The following PARD3 variants were observed in gnomAD, a reference collection of about 807,000 sequenced individuals.
The protein encoded by PARD3 is partitioning defective 3 homolog.
Under a neutral mutation model 155.4 loss-of-function variants are expected in PARD3, and 75 were observed. The ratio of observed to expected loss-of-function variants is 0.48; its 90% CI spans 0.40 to 0.58. PARD3 has a LOEUF of 0.58. Among genes scored for constraint, PARD3 ranks in the 20% least tolerant of loss-of-function variants. The pLI, the probability that PARD3 is intolerant of heterozygous loss-of-function variation, is 0.00. For synonymous variants in PARD3, 576 were observed against 610.5 expected, an observed-to-expected ratio of 0.94 and a Z score of 0.83; for missense variants, 1,642 against 1,721.7, an observed-to-expected ratio of 0.95 and a Z score of 0.82.
At chr10:34,500,337 AAAGT>A (rs1221763180) in intron 3 of PARD3, among the ~76,000 whole-genome samples, 3 of 152,254 alleles carry the variant, frequency 2.0e-5, no homozygotes, top group Non-Finnish European at 4.4e-5. Flanking sequence ...TCGAAAGAAG[AAAGT>A]AAGTTGTAAA....
At chr10:34,339,819 T>C (rs1836608054) in intron 16 of PARD3, among the ~76,000 whole-genome samples, 1 of 152,190 alleles carries the variant, frequency 6.6e-6, no homozygotes, top group South Asian at 2.1e-4. Context: ...CCTATCAATA[T>C]TCCCACTAAA....
intron 2 of PARD3, among the ~76,000 whole-genome samples, chr10:34,566,757 GT>G (rs1161362344): frequency 6.6e-6 from 1 of 151,840 alleles, no homozygotes; most frequent in Non-Finnish European, 1.5e-5. Context: ...ATTAACCAAA[GT>G]TTTTTTTACA....
intron 12 of PARD3, among the ~76,000 whole-genome samples, chr10:34,363,845 G>A (rs1399586958): frequency 6.6e-6 from 1 of 152,186 alleles, no homozygotes; most frequent in Non-Finnish European, 1.5e-5. Context: ...AAGCCTGTCA[G>A]TTCTTCCTTT....
intron 2 of PARD3, among the ~76,000 whole-genome samples, chr10:34,556,405 CAG>C (rs1352201579): frequency 2.8e-5 from 4 of 144,782 alleles, no homozygotes; most frequent in Non-Finnish European, 6.0e-5. Context: ...TTTTTTGAGA[CAG>C]AGTCTTGCTC....
chr10:34,321,579 G>T (rs1958380867), intron 19 of PARD3, among the ~76,000 whole-genome samples: 1 of 152,162 alleles, frequency 6.6e-6, no homozygotes, highest in African/African-American at 2.4e-5. Flanking sequence ...TATAAAGATA[G>T]GCACTTTCAA....
chr10:34,151,072 G>C (rs998487237), intron 22 of PARD3, among the ~76,000 whole-genome samples: 2 of 152,038 alleles, frequency 1.3e-5, no homozygotes, highest in Admixed American at 1.3e-4. Flanking sequence ...AAGGCCCAGT[G>C]AATAGTATTG....
At chr10:34,624,222 A>G (rs1407787844) in intron 2 of PARD3, among the ~76,000 whole-genome samples, 4 of 152,192 alleles carry the variant, frequency 2.6e-5, no homozygotes. Flanking sequence ...TAAGCAGGAA[A>G]AGGTGTGTAA....
At position 34,154,473 on chromosome 10, in the gene PARD3, A is replaced by G. The variant is rs375164121; in HGVS notation, c.3420-22890T>C. On this transcript the variant is annotated intron_variant, in intron 22 of 24. Coordinates refer to ENST00000374788, the MANE Select transcript of PARD3 (RefSeq NM_001184785.2). The stretch of plus-strand genomic sequence containing the variant: ...TGGAATGAAGCCTGCTTGGATCCTG[A>G]GCAAGGGAGGATACAAACACCTTAT... Among the ~76,000 whole-genome samples the G allele has an allele frequency of 1.1e-4, 16 of 152,270 alleles. No homozygotes were observed. In the East Asian group the frequency reaches 2.1e-3, roughly 20 times the overall value.
At chr10:34,753,136 C>T (rs1836275697) in intron 1 of PARD3, among the ~76,000 whole-genome samples, 2 of 152,258 alleles carry the variant, frequency 1.3e-5, no homozygotes, top group African/African-American at 4.8e-5. Context: ...GATTCTCCAG[C>T]TCCAGCAGGG....
At chr10:34,465,487 T>C (rs960785750) in intron 4 of PARD3, among the ~76,000 whole-genome samples, 1 of 152,144 alleles carries the variant, frequency 6.6e-6, no homozygotes, top group Non-Finnish European at 1.5e-5. Flanking sequence ...ATCGGGGGTA[T>C]TGGAAAGATA....
intron 20 of PARD3, among the ~76,000 whole-genome samples, chr10:34,292,135 C>T (rs1956702682): frequency 6.6e-6 from 1 of 152,158 alleles, no homozygotes; most frequent in African/African-American, 2.4e-5. Context: ...CAGGCAACAG[C>T]AGAAGCACGT....
At chr10:34,208,598 G>A (rs528136755) in intron 22 of PARD3, among the ~76,000 whole-genome samples, 5 of 152,272 alleles carry the variant, frequency 3.3e-5, no homozygotes, top group African/African-American at 9.6e-5. Flanking sequence ...GGTTAAGGAC[G>A]CAGAGAAGAG....
At chr10:34,701,931 G>C (rs2094287578) in intron 1 of PARD3, among the ~76,000 whole-genome samples, 1 of 152,182 alleles carries the variant, frequency 6.6e-6, no homozygotes. Flanking sequence ...GGGAGGCCAA[G>C]GTGGGTGGAT....
intron 3 of PARD3, among the ~76,000 whole-genome samples, chr10:34,481,285 T>C (rs1409834898): frequency 6.6e-6 from 1 of 152,112 alleles, no homozygotes; most frequent in Admixed American, 6.6e-5. Flanking sequence ...CCCCAGTGTG[T>C]GTTCAGGGAC....
At chr10:34,572,322 C>A (rs1325139059) in intron 2 of PARD3, among the ~76,000 whole-genome samples, 2 of 151,958 alleles carry the variant, frequency 1.3e-5, no homozygotes, top group African/African-American at 2.4e-5. Context: ...GTATGGGCAA[C>A]ACAGTGAGAC....
At position 34,684,826 on chromosome 10, in the gene PARD3, CACACAT is replaced by C. The variant is rs1272423426; in HGVS notation, c.222+11486_222+11491del. ...ACACACACACACACACACACACACA[CACACAT>C]ATATACACACACACATATATATACA... On this transcript the variant is annotated intron_variant, in intron 2 of 24. Transcript: ENST00000374788. Among the ~76,000 whole-genome samples the C allele has an allele frequency of 6.9e-3, 620 of 90,384 alleles. 5 individuals carry two copies. Among genetic ancestry groups the C allele is most frequent in the African/African-American group, 0.012 (223 of 18,956 alleles). 59.3% of individuals were successfully genotyped at this position (90,384 alleles called of 152,430 possible).
intron 22 of PARD3, among the ~76,000 whole-genome samples, chr10:34,168,627 CCG>C (rs933269909): frequency 6.6e-6 from 1 of 152,148 alleles, no homozygotes; most frequent in African/African-American, 2.4e-5. Flanking sequence ...CAGGCCCTCC[CCG>C]CGAAGGATTC....
intron 2 of PARD3, among the ~76,000 whole-genome samples, chr10:34,684,818 C>T (rs1040283422): frequency 2.9e-4 from 34 of 117,788 alleles, no homozygotes; most frequent in African/African-American, 1.2e-3. Flanking sequence ...CACACACACA[C>T]ACACACACAC....
chr10:34,344,445 G>A (rs1837187383), intron 15 of PARD3: 2 of 530,576 alleles, frequency 3.8e-6, no homozygotes, highest in Non-Finnish European at 4.8e-6. Flanking sequence ...ACAACATCCG[G>A]CTAATTTTTG....
Sources: allele counts gnomAD v4.1 joint callset (sites outside exome capture counted in the v4.1 genomes callset), GRCh38; gene constraint gnomAD v4.1.1; transcripts MANE v1.5; gene names NCBI Gene and HGNC (gene_info 2026-07-23, HGNC 2026-07-21).